The following ZNF227 variants were observed in gnomAD, a reference collection of about 807,000 sequenced individuals.
The protein encoded by ZNF227 is zinc finger protein 227.
Under a neutral mutation model 13.2 loss-of-function variants are expected in ZNF227, and 12 were observed. The ratio of observed to expected loss-of-function variants is 0.91; its 90% CI spans 0.58 to 1.47. The LOEUF is 1.47. Ranked by LOEUF, ZNF227 falls within the 40% of genes most tolerant of loss-of-function variation. The probability of loss-of-function intolerance (pLI) is 0.00; values close to 1 mark genes in which losing one functional copy is unlikely to be tolerated. For missense variants in ZNF227, 885 were observed against 967.5 expected, an observed-to-expected ratio of 0.91 and a Z score of 1.13; for synonymous variants, 338 against 326.0, an observed-to-expected ratio of 1.04 and a Z score of -0.40.
Position 44,235,968 on chromosome 19 carries a change from T to G in ZNF227, c.1538T>G (p.Val513Gly). Residue 513 changes from valine to glycine, a missense_variant, in exon 6 of 6, where the codon GTC becomes GGC. Coordinates refer to ENST00000313040, the MANE Select transcript of ZNF227 (RefSeq NM_182490.3). ...TCAAATCTTCAAGTCCATCAGAATGTCCACACTGGGGAGAAACGATTCAAG... is the reference window on the plus strand; with the variant it reads ...TCAAATCTTCAAGTCCATCAGAATGGCCACACTGGGGAGAAACGATTCAAG... ...QASNLQVHQNVHTGEKRFKCE... is the reference protein window; with the variant it reads ...QASNLQVHQNGHTGEKRFKCE... 6.2e-7 allele frequency: 1 copy of G among 1,613,932 alleles called. No individual in the cohort carries two copies. Among genetic ancestry groups the G allele is most frequent in the East Asian group, 2.2e-5 (1 of 44,858 alleles).
chr19:44,234,910 C>G lies in ZNF227; in HGVS notation c.480C>G (p.Ser160Arg), dbSNP rs374724086. ...ATATAATGAACCCTAAAGGAGATAG[C>G]TCTATTTATATTGAAAATCAAGAGT... ...ENNIMNPKGD[S>R]SIYIENQEFP... The change falls in exon 6 of 6, where the codon AGC becomes AGG. Residue 160 changes from serine (S) to arginine (R), a missense_variant. Ser to Arg is a moderately radical substitution (Grantham distance 110, BLOSUM62 -1). Coordinates refer to ENST00000313040, the MANE Select transcript of ZNF227 (RefSeq NM_182490.3). 2 of 1,612,870 alleles carry G rather than the reference C, an allele frequency of 1.2e-6. No homozygotes were observed. The highest frequency in any genetic ancestry group is 2.7e-5 in the African/African-American group (2 of 74,764).
At chr19:44,219,822 C>T (rs183536613) in intron 3 of ZNF227, among the ~76,000 whole-genome samples, 42 of 151,032 alleles carry the variant, frequency 2.8e-4, no homozygotes, top group African/African-American at 1.0e-3. Flanking sequence ...GGTACATGTG[C>T]ACAATGTGCA....
At chr19:44,228,347 A>C in intron 3 of ZNF227, 99 bp from the exon 4 acceptor site, 1 of 1,415,530 alleles carries the variant, frequency 7.1e-7, no homozygotes, top group Non-Finnish European at 9.5e-7. Context: ...CTTGGAATCT[A>C]TAACAACTTT....
At chr19:44,219,117 C>A (rs1017144152) in intron 3 of ZNF227, among the ~76,000 whole-genome samples, 1 of 152,188 alleles carries the variant, frequency 6.6e-6, no homozygotes, top group Non-Finnish European at 1.5e-5. Context: ...CAACTCCTGA[C>A]CTCAGATGAT....
intron 3 of ZNF227, among the ~76,000 whole-genome samples, chr19:44,225,604 G>A (rs1022894471): frequency 6.6e-6 from 1 of 152,100 alleles, no homozygotes; most frequent in African/African-American, 2.4e-5. Context: ...TCGAGCCTTG[G>A]CTTTCAGCTC....
chr19:44,220,849 C>T (rs1362405539), intron 3 of ZNF227, among the ~76,000 whole-genome samples: 1 of 151,968 alleles, frequency 6.6e-6, no homozygotes, highest in African/African-American at 2.4e-5. Context: ...TGATGTTCCC[C>T]TTCCTGTGTC....
intron 5 of ZNF227, among the ~76,000 whole-genome samples, chr19:44,232,125 G>C (rs991942488): frequency 6.6e-6 from 1 of 152,188 alleles, no homozygotes; most frequent in Non-Finnish European, 1.5e-5. Context: ...CATACCTGTG[G>C]AGTTGAGGTG....
chr19:44,226,276 G>C (rs1447636841), intron 3 of ZNF227, among the ~76,000 whole-genome samples: 1 of 152,234 alleles, frequency 6.6e-6, no homozygotes. Context: ...ATCTCCAGCT[G>C]CATGCTGGGA....
chr19:44,235,283 C>T lies in ZNF227; in HGVS notation c.853C>T (p.Arg285Ter), dbSNP rs372438602. Reference sequence around the variant, plus strand: ...ATGCTTCAGTCAAAGCTCACATCTGCGAACTCATCAGAGAATTCACCCAGG... The same window carrying T: ...ATGCTTCAGTCAAAGCTCACATCTGTGAACTCATCAGAGAATTCACCCAGG... Reference protein sequence around the residue: ...EKCFSQSSHLRTHQRIHPGEK... With the variant: ...EKCFSQSSHL Residue 285 changes from arginine to a stop codon, truncating the protein, a stop_gained, in exon 6 of 6, where the codon CGA becomes TGA. Coordinates refer to ENST00000313040, the MANE Select transcript of ZNF227 (RefSeq NM_182490.3). LOFTEE classifies it low-confidence loss of function (END_TRUNC). The T allele has an allele frequency of 2.3e-5, 37 of 1,613,890 alleles. No individual in the cohort carries two copies. The highest frequency in any genetic ancestry group is 4.5e-5 in the East Asian group (2 of 44,874).
intron 3 of ZNF227, among the ~76,000 whole-genome samples, chr19:44,222,128 G>A (rs982307888): frequency 3.0e-4 from 46 of 151,996 alleles, no homozygotes; most frequent in Non-Finnish European, 3.5e-4. Context: ...CTATATCTCT[G>A]TTTTGGTACC....
At chr19:44,224,143 A>T (rs1242079936) in intron 3 of ZNF227, among the ~76,000 whole-genome samples, 1 of 152,186 alleles carries the variant, frequency 6.6e-6, no homozygotes, top group Non-Finnish European at 1.5e-5. Context: ...ACAGTTTGTT[A>T]TAATTTCTGT....
At position 44,235,615 on chromosome 19, in the gene ZNF227, C is replaced by G. The variant is rs1288134953; in HGVS notation, c.1185C>G (p.Leu395=). The G allele has an allele frequency of 6.2e-7, 1 of 1,612,964 alleles. No homozygotes were observed. The highest frequency in any genetic ancestry group is 1.7e-5 in the Admixed American group (1 of 59,944). Residue 395 remains leucine, a synonymous_variant, in exon 6 of 6, where the codon CTC becomes CTG. Transcript: ENST00000313040. The part of the protein sequence containing the change: ...CGKGFGWSVN[L]RVHQRVHRGE... ...AGGGCTTCGGTTGGAGTGTTAATCTCCGTGTTCACCAGAGGGTCCACAGGG... is the reference window on the plus strand; with the variant it reads ...AGGGCTTCGGTTGGAGTGTTAATCTGCGTGTTCACCAGAGGGTCCACAGGG...
chr19:44,217,760 T>C (rs767441279), intron 2 of ZNF227, 31 bp from the exon 3 acceptor site: 1 of 1,612,620 alleles, frequency 6.2e-7, no homozygotes, highest in Admixed American at 1.7e-5. Context: ...ACAGCAGGCT[T>C]GTGTCTCATG....
At chr19:44,215,317 T>TA (rs1292679688) in intron 2 of ZNF227, among the ~76,000 whole-genome samples, 1 of 151,870 alleles carries the variant, frequency 6.6e-6, no homozygotes, top group Non-Finnish European at 1.5e-5. Context: ...GTTTTTTTTT[T>TA]ATTTTCTACC....
chr19:44,228,204 G>A (rs756389749), intron 3 of ZNF227: 56 of 357,496 alleles, frequency 1.6e-4, no homozygotes, highest in Non-Finnish European at 2.6e-4. Context: ...GCTCCAGCAC[G>A]GGTGACAGAG....
At chr19:44,212,157 G>A (rs142835289), upstream of ZNF227, among the ~76,000 whole-genome samples, 566 of 151,910 alleles carry the variant, frequency 3.7e-3, 1 homozygote, top group African/African-American at 0.013. Flanking sequence ...CAAAGTGCTG[G>A]GAGTCTTTTT....
chr19:44,230,926 A>AAAAAAAAAAAAAAAAAATAT (rs1555792168), intron 5 of ZNF227, among the ~76,000 whole-genome samples: 2 of 68,114 alleles, frequency 2.9e-5, no homozygotes, highest in African/African-American at 2.0e-4. Flanking sequence ...AAAAAAAAAA[A>AAAAAAAAAAAAAAAAAATAT]ATATATATAT....
intron 3 of ZNF227, 40 bp downstream of exon 3, chr19:44,217,892 T>C (rs764937893): frequency 6.2e-7 from 1 of 1,603,898 alleles, no homozygotes; most frequent in Admixed American, 1.7e-5. Context: ...AAATGTGATT[T>C]ATTTCTCAAA....
At position 44,236,553 on chromosome 19, in the gene ZNF227, G is replaced by A. The variant is rs770322112; in HGVS notation, c.2123G>A (p.Arg708Lys). 1.2e-6 allele frequency: 2 copies of A among 1,613,848 alleles called. No individual in the cohort carries two copies. The highest frequency in any genetic ancestry group is 1.7e-6 in the Non-Finnish European group (2 of 1,179,966). The change falls in exon 6 of 6, where the codon AGG becomes AAG. Residue 708 changes from arginine (R) to lysine (K), a missense_variant. Transcript: ENST00000313040. ...GRSLNLRHHQ[R>K]VHTGEKPHIC... ...AGCTTGAATCTTCGCCATCATCAGA[G>A]GGTCCACACGGGAGAGAAACCCCAT...
Sources: gnomAD v4.1 joint callset for allele counts (sites outside exome capture counted in the v4.1 genomes callset) on GRCh38, gnomAD v4.1.1 for gene constraint, MANE v1.5 for transcripts, NCBI Gene and HGNC (gene_info 2026-07-23, HGNC 2026-07-21) for gene names.